The following RRP1B variants were observed in gnomAD, a reference collection of about 807,000 sequenced individuals.
RRP1B encodes ribosomal RNA processing 1B, also known as ribosomal RNA processing protein 1 homolog B.
RRP1B carries 56 observed loss-of-function variants against 80.2 expected under a neutral mutation model. The observed-to-expected ratio is 0.70, with a 90% CI of 0.56 to 0.87. RRP1B has a LOEUF of 0.87. Ranked by LOEUF, RRP1B falls within the 40% of genes least tolerant of loss-of-function variation. The pLI is 0.00. For missense variants in RRP1B, 807 were observed against 939.8 expected, an observed-to-expected ratio of 0.86 and a Z score of 1.85; for synonymous variants, 351 against 357.6, an observed-to-expected ratio of 0.98 and a Z score of 0.21.
intron 8 of RRP1B, among the ~76,000 whole-genome samples, chr21:43,679,081 T>C (rs565730729): frequency 6.6e-6 from 1 of 152,350 alleles, no homozygotes; most frequent in African/African-American, 2.4e-5. Context: ...GGTTTATTTC[T>C]GGGTTCTCCT....
chr21:43,664,410 T>C (rs1024970851), intron 1 of RRP1B, among the ~76,000 whole-genome samples: 2 of 152,210 alleles, frequency 1.3e-5, no homozygotes, highest in African/African-American at 4.8e-5. Context: ...ACAATTATTA[T>C]TGTAATCTCT....
rs576297325 is a variant in RRP1B, at chr21:43,691,586, G to A, written c.2083+84G>A. 3.4e-5 allele frequency: 41 copies of A among 1,214,192 alleles called. No homozygotes were observed. Among genetic ancestry groups the A allele is most frequent in the Middle Eastern group, 2.0e-4 (1 of 5,036 alleles). 75.2% of individuals were successfully genotyped at this position (1,214,192 alleles called of 1,614,324 possible). A position where few individuals can be genotyped will look rare whatever the true frequency, so the allele number is the denominator to read the frequency against. ...GGCTCGCAGCCTGGTTCCACAAGGC[G>A]GTCGGGGAAGAGGGGGGTCCTAGCT... On this transcript the variant is annotated intron_variant, in intron 15 of 15. Coordinates refer to ENST00000340648, the MANE Select transcript of RRP1B (RefSeq NM_015056.3). This position sits in a 1 kb window ranked among gnomAD's most constrained non-coding sequence, Gnocchi z 4.2.
chr21:43,672,294 C>G lies in RRP1B; in HGVS notation c.214-14C>G, dbSNP rs1568955907. ...CGATAACCCCCATGTTTCTCCCCAACCCCGCCTCTGCAGGAAGAGCTCGCC... is the reference window on the plus strand; with the variant it reads ...CGATAACCCCCATGTTTCTCCCCAAGCCCGCCTCTGCAGGAAGAGCTCGCC... On this transcript the variant is annotated splice_polypyrimidine_tract_variant and intron_variant, in intron 2 of 15. Transcript: ENST00000340648. The G allele has an allele frequency of 6.2e-7, 1 of 1,613,760 alleles. No individual in the cohort carries two copies. Among genetic ancestry groups the G allele is most frequent in the Non-Finnish European group, 8.5e-7 (1 of 1,179,754 alleles).
chr21:43,676,386 G>A (rs781449559), intron 7 of RRP1B, 50 bp downstream of exon 7: 1 of 1,418,796 alleles, frequency 7.0e-7, no homozygotes, highest in Non-Finnish European at 9.9e-7. Context: ...TTTGCTCATG[G>A]GAGTTACTTG....
rs200551278 is a variant in RRP1B at position 43,687,640 on chromosome 21, C to T, written c.1266C>T (p.Ser422=). Reference sequence around the variant, plus strand: ...CAGGCCCAGGGGGTGCAGCCCCATCCCTGGAACAGAACCGGGGCAGGGAGC... The same window carrying T: ...CAGGCCCAGGGGGTGCAGCCCCATCTCTGGAACAGAACCGGGGCAGGGAGC... ...ENPGPGGAAP[S]LEQNRGREPE... Residue 422 remains serine, a synonymous_variant, in exon 13 of 16, where the codon TCC becomes TCT. Coordinates refer to ENST00000340648, the MANE Select transcript of RRP1B (RefSeq NM_015056.3). The T allele has an allele frequency of 1.3e-6, 2 of 1,568,346 alleles. No homozygotes were observed. Among genetic ancestry groups the T allele is most frequent in the African/African-American group, 2.7e-5 (2 of 73,320 alleles).
Position 43,693,143 on chromosome 21 carries a change from A to C in RRP1B, c.2084-47A>C, listed in dbSNP as rs751046821. ...ACGCTGTCTAAGGTGTTGAAGGGAC[A>C]GCTGTCGGACCCACTTAATATGGGG... is the stretch of plus-strand genomic sequence containing the variant. On this transcript the variant is annotated intron_variant, in intron 15 of 15. Transcript: ENST00000340648. This position sits in a 1 kb window ranked among gnomAD's most constrained non-coding sequence, Gnocchi z 4.1. 5.0e-6 allele frequency: 8 copies of C among 1,599,556 alleles called. No homozygotes were observed. Among genetic ancestry groups the C allele is most frequent in the Middle Eastern group, 1.8e-4 (1 of 5,634 alleles).
In RRP1B at chr21:43,676,737, A is replaced by G. The variant is rs769730763; in HGVS notation, c.619A>G (p.Thr207Ala). The stretch of plus-strand genomic sequence containing the variant: ...CCGCTGTGCTTCTACCCTCAGCCAC[A>G]CCCTGGTACAGACCATAGCTCGGGG... ...CKIAAKTKDH[T>A]LVQTIARGVF... The change falls in exon 8 of 16, where the codon ACC (threonine) becomes GCC (alanine). Residue 207 changes from threonine to alanine, a missense_variant. By Grantham distance (58) the Thr-to-Ala change is moderately conservative (BLOSUM62 0). Coordinates refer to ENST00000340648, the MANE Select transcript of RRP1B (RefSeq NM_015056.3). The G allele has an allele frequency of 1.2e-6, 2 of 1,612,976 alleles. No individual in the cohort carries two copies. The highest frequency in any genetic ancestry group is 1.7e-6 in the Non-Finnish European group (2 of 1,179,574).
At chr21:43,666,106 T>C (rs2147161023) in intron 1 of RRP1B, among the ~76,000 whole-genome samples, 1 of 152,230 alleles carries the variant, frequency 6.6e-6, no homozygotes, top group East Asian at 1.9e-4. Flanking sequence ...GGGTGGGGCT[T>C]ACCCCACGTG....
At chr21:43,668,290 C>T (rs185555168) in intron 1 of RRP1B, among the ~76,000 whole-genome samples, 56 of 151,396 alleles carry the variant, frequency 3.7e-4, no homozygotes, top group African/African-American at 1.3e-3. Context: ...AAATCAATAC[C>T]TGTAAATTAA....
chr21:43,668,114 C>T (rs1375343531), intron 1 of RRP1B, among the ~76,000 whole-genome samples: 5 of 151,418 alleles, frequency 3.3e-5, no homozygotes, highest in Non-Finnish European at 7.4e-5. Flanking sequence ...GAGGCTGAGG[C>T]AGGAGAATCG....
intron 11 of RRP1B, 92 bp downstream of exon 11, chr21:43,685,881 GA>G: frequency 2.0e-6 from 3 of 1,471,164 alleles, no homozygotes; most frequent in Non-Finnish European, 2.8e-6. Context: ...AAACAAGATT[GA>G]AAGAACTTTA....
intron 1 of RRP1B, among the ~76,000 whole-genome samples, chr21:43,660,744 G>T (rs1352901178): frequency 1.3e-5 from 2 of 152,168 alleles, no homozygotes; most frequent in Non-Finnish European, 2.9e-5. Flanking sequence ...CGTGCCCTAG[G>T]AGTGGTTTGA....
intron 15 of RRP1B, among the ~76,000 whole-genome samples, chr21:43,692,696 A>G (rs1459696203): frequency 6.6e-6 from 1 of 152,128 alleles, no homozygotes; most frequent in African/African-American, 2.4e-5. Context: ...GAGTGTGTGT[A>G]CATGCACCAG....
chr21:43,691,542 C>T lies in RRP1B; in HGVS notation c.2083+40C>T, dbSNP rs766996358. 2.5e-6 allele frequency: 4 copies of T among 1,590,010 alleles called. No homozygotes were observed. The South Asian group carries it at 4.4e-5, about 18-fold the overall frequency. On this transcript the variant is annotated intron_variant, in intron 15 of 15. Transcript: ENST00000340648. The surrounding 1 kb of genome is among the most constrained non-coding windows in gnomAD (Gnocchi z 4.2). Reference sequence around the variant, plus strand: ...GCCAGCGGCAAGCTTCTCTGGAGCACAGCTGCAGCTCCTGGCGCGGCTCGC... The same window carrying T: ...GCCAGCGGCAAGCTTCTCTGGAGCATAGCTGCAGCTCCTGGCGCGGCTCGC...
At chr21:43,662,496 C>CA (rs1300332363) in intron 1 of RRP1B, among the ~76,000 whole-genome samples, 1 of 152,258 alleles carries the variant, frequency 6.6e-6, no homozygotes, top group Admixed American at 6.5e-5. Flanking sequence ...CTCCCGATGA[C>CA]AGGCTCCAAC....
intron 12 of RRP1B, among the ~76,000 whole-genome samples, chr21:43,687,198 G>T (rs1482476463): frequency 6.6e-6 from 1 of 152,194 alleles, no homozygotes; most frequent in Non-Finnish European, 1.5e-5. Context: ...GGAGCACTGG[G>T]GGGCGGCTGT....
At position 43,690,393 on chromosome 21, in the gene RRP1B, A is replaced by G; in HGVS notation, c.1972A>G (p.Arg658Gly). The G allele has an allele frequency of 6.2e-7, 1 of 1,614,196 alleles. No homozygotes were observed. Among genetic ancestry groups the G allele is most frequent in the Non-Finnish European group, 8.5e-7 (1 of 1,180,020 alleles). ...PFLPKPLFFR[R>G]AKSSTATHPP... ...CTTACCAAAGCCCCTGTTCTTCAGA[A>G]GAGCCAAGAGCAGCACTGCCACCCA... The change falls in exon 14 of 16, where the codon AGA becomes GGA. Residue 658 changes from arginine to glycine, a missense_variant. By Grantham distance (125) the Arg-to-Gly change is moderately radical. Transcript: ENST00000340648.
intron 8 of RRP1B, among the ~76,000 whole-genome samples, chr21:43,681,149 G>A (rs112058300): frequency 0.053 from 7,991 of 151,922 alleles, 704 homozygotes; most frequent in African/African-American, 0.18. Context: ...GCTGAGGTGG[G>A]AGAGAATCAC....
chr21:43,667,216 CGTTTGTTTGTTT>C (rs543164242), intron 1 of RRP1B, among the ~76,000 whole-genome samples: 1 of 151,760 alleles, frequency 6.6e-6, no homozygotes, highest in Non-Finnish European at 1.5e-5. Flanking sequence ...TTCTTAATAT[CGTTTGTTTGTTT>C]GTTTGTTTGT....
Sources: gnomAD v4.1 joint callset for allele counts (sites outside exome capture counted in the v4.1 genomes callset) on GRCh38, gnomAD v4.1.1 for gene constraint, Gnocchi (gnomAD v3.1) non-coding constraint, MANE v1.5 for transcripts, NCBI Gene and HGNC (gene_info 2026-07-23, HGNC 2026-07-21) for gene names.